Variants in PTCHD1 observed in about 807,000 individuals in gnomAD.
PTCHD1 encodes patched domain containing 1, also known as patched domain-containing protein 1.
A neutral mutation model predicts 34.6 loss-of-function variants in PTCHD1; 3 were observed. The ratio of observed to expected loss-of-function variants is 0.09; its 90% CI spans 0.04 to 0.22. The LOEUF is 0.22. Among genes scored for constraint, PTCHD1 ranks in the 10% least tolerant of loss-of-function variants. The pLI is 1.00. For missense variants in PTCHD1, 504 were observed against 685.5 expected, an observed-to-expected ratio of 0.74 and a Z score of 2.96; for synonymous variants, 305 against 283.1, an observed-to-expected ratio of 1.08 and a Z score of -0.77.
intron 1 of PTCHD1, among the ~76,000 whole-genome samples, chrX:23,373,056 C>A (rs57963282): frequency 1.2e-4 from 14 of 112,422 alleles, no homozygotes; most frequent in African/African-American, 4.5e-4. Context: ...CTTATCCATA[C>A]CAGTGTGGAG....
rs1167116318 is a variant in PTCHD1 at position 23,402,479 on chromosome X, G to C, written c.*8294G>C. ...TGAGGAATGACTGAATATGAGCTGA[G>C]GATAATGTAAATTGTTCTGGATTGT... On this transcript the variant is annotated 3_prime_UTR_variant, in exon 3 of 3. Transcript: ENST00000379361. The C allele has an allele frequency of 9.0e-6, 1 of 111,622 alleles. No individual in the cohort carries two copies. The highest frequency in any genetic ancestry group is 1.9e-5 in the Non-Finnish European group (1 of 53,116). The allele number at this position is 111,622 out of a possible 1,213,427, so 9.2% of individuals were successfully genotyped here.
chrX:23,382,637 G>C (rs1208412396), intron 2 of PTCHD1, among the ~76,000 whole-genome samples: 2 of 112,818 alleles, frequency 1.8e-5, no homozygotes, highest in Non-Finnish European at 3.7e-5. Flanking sequence ...AAAAAATCTA[G>C]CATTTGCAGC....
At position 23,395,770 on chromosome X, in the gene PTCHD1, C is replaced by T. The variant is rs1922974273; in HGVS notation, c.*1585C>T. ...GTATTTTTCCCTTTTAGAGATGTAG[C>T]TTCCTTAGACATCTGTAGTGGTAAG... On this transcript the variant is annotated 3_prime_UTR_variant, in exon 3 of 3. Transcript: ENST00000379361. 1 of 111,922 alleles carries T rather than the reference C, an allele frequency of 8.9e-6. No homozygotes were observed. Among genetic ancestry groups the T allele is most frequent in the African/African-American group, 3.3e-5 (1 of 30,660 alleles). The allele number at this position is 111,922 out of a possible 1,213,427, so 9.2% of individuals were successfully genotyped here.
chrX:23,349,908 G>C (rs776535567), intron 1 of PTCHD1, among the ~76,000 whole-genome samples: 1 of 109,243 alleles, frequency 9.2e-6, no homozygotes, highest in East Asian at 2.9e-4. Context: ...CAAAACACTG[G>C]AGATAGGGAG....
chrX:23,368,794 G>C (rs1461786453), intron 1 of PTCHD1, among the ~76,000 whole-genome samples: 3 of 111,662 alleles, frequency 2.7e-5, no homozygotes, highest in Non-Finnish European at 3.8e-5. Context: ...CGGGTGCGGT[G>C]GCTCACGCCT....
intron 1 of PTCHD1, among the ~76,000 whole-genome samples, chrX:23,342,288 ATATATATATATATATATATATATTT>A (rs1260668080): frequency 0.1 from 780 of 7,473 alleles, 23 homozygotes; most frequent in Admixed American, 0.19. Flanking sequence ...ATATATATAT[ATATATATATATATATATATATATTT>A]TTTTTTTTTT....
At chrX:23,361,789 G>A (rs1013431569) in intron 1 of PTCHD1, among the ~76,000 whole-genome samples, 11 of 112,088 alleles carry the variant, frequency 9.8e-5, no homozygotes, top group Non-Finnish European at 1.7e-4. Context: ...GGCTGGTACC[G>A]TTTGTTCCTT....
intron 1 of PTCHD1, among the ~76,000 whole-genome samples, chrX:23,358,494 G>C (rs1921875577): frequency 9.0e-6 from 1 of 110,978 alleles, no homozygotes; most frequent in Non-Finnish European, 1.9e-5. Flanking sequence ...TGATGGGGTT[G>C]TTTGTTTTTT....
chrX:23,385,020 T>A (rs912548764), intron 2 of PTCHD1, among the ~76,000 whole-genome samples: 1 of 112,218 alleles, frequency 8.9e-6, no homozygotes, highest in Non-Finnish European at 1.9e-5. Flanking sequence ...AGGTTCAGCA[T>A]GTTCTAGAGA....
intron 1 of PTCHD1, among the ~76,000 whole-genome samples, chrX:23,336,208 A>T (rs1272036408): frequency 3.6e-5 from 4 of 112,124 alleles, no homozygotes; most frequent in Non-Finnish European, 7.5e-5. Context: ...AGGACTAGAG[A>T]TGGAAAAGTG....
At chrX:23,368,727 T>G (rs957912557) in intron 1 of PTCHD1, among the ~76,000 whole-genome samples, 1 of 112,119 alleles carries the variant, frequency 8.9e-6, no homozygotes, top group Admixed American at 9.4e-5. Flanking sequence ...GTTTTGTTTT[T>G]TTCTTTTTCG....
intron 2 of PTCHD1, among the ~76,000 whole-genome samples, chrX:23,385,556 G>C (rs1922667527): frequency 9.0e-6 from 1 of 111,627 alleles, no homozygotes; most frequent in Non-Finnish European, 1.9e-5. Flanking sequence ...GAAATACCTA[G>C]TATCTACATT....
At chrX:23,339,304 C>T (rs1369452696) in intron 1 of PTCHD1, among the ~76,000 whole-genome samples, 1 of 111,812 alleles carries the variant, frequency 8.9e-6, no homozygotes, top group African/African-American at 3.3e-5. Flanking sequence ...TTGATAACCC[C>T]CGTAGTCATA....
intron 1 of PTCHD1, among the ~76,000 whole-genome samples, chrX:23,376,916 A>G (rs5926303): frequency 0.13 from 14,445 of 111,410 alleles, 808 homozygotes; most frequent in Non-Finnish European, 0.18. Flanking sequence ...CTTCCCTCTC[A>G]AACTTCATTA....
chrX:23,368,800 C>T (rs756132632), intron 1 of PTCHD1, among the ~76,000 whole-genome samples: 4 of 111,797 alleles, frequency 3.6e-5, no homozygotes, highest in South Asian at 3.8e-4. Context: ...CGGTGGCTCA[C>T]GCCTGTAATC....
At chrX:23,374,280 CAAAAAAAA>C (rs752214252) in intron 1 of PTCHD1, among the ~76,000 whole-genome samples, 4 of 24,549 alleles carry the variant, frequency 1.6e-4, no homozygotes, top group African/African-American at 2.9e-4. Flanking sequence ...GAAACAAATA[CAAAAAAAA>C]AAAAAAAAAA....
chrX:23,380,262 CTCT>C lies in PTCHD1; in HGVS notation c.1012+16_1012+18del. The C allele has an allele frequency of 8.3e-7, 1 of 1,199,714 alleles. No homozygotes were observed. The highest frequency in any genetic ancestry group is 1.1e-6 in the Non-Finnish European group (1 of 885,615). ...CTTTCGTCATGCTAGGTAATTACTACTCTTCTTTCTTCTGTTTCCGCCTGCTGG... is the reference window on the plus strand; with the variant it reads ...CTTTCGTCATGCTAGGTAATTACTACTCTTTCTTCTGTTTCCGCCTGCTGG... On this transcript the variant is annotated intron_variant, in intron 2 of 2. Transcript: ENST00000379361.
intron 1 of PTCHD1, among the ~76,000 whole-genome samples, chrX:23,378,021 T>G (rs756830033): frequency 8.9e-6 from 1 of 112,089 alleles, no homozygotes; most frequent in Non-Finnish European, 1.9e-5. Flanking sequence ...TCATAATGGC[T>G]ATCTATACTC....
chrX:23,366,336 C>T (rs1922139437), intron 1 of PTCHD1, among the ~76,000 whole-genome samples: 1 of 112,191 alleles, frequency 8.9e-6, no homozygotes, highest in African/African-American at 3.2e-5. Flanking sequence ...CTTTGACTGG[C>T]TCGCAGTTGC....
Sources: allele counts gnomAD v4.1 joint callset (sites outside exome capture counted in the v4.1 genomes callset), GRCh38; gene constraint gnomAD v4.1.1; transcripts MANE v1.5; gene names NCBI Gene and HGNC (gene_info 2026-07-23, HGNC 2026-07-21).